The following FAM3B variants were observed in gnomAD, a reference collection of about 807,000 sequenced individuals.
FAM3B encodes the protein FAM3 metabolism regulating signaling molecule B, also known as protein FAM3B.
A neutral mutation model predicts 28.4 loss-of-function variants in FAM3B; 29 were observed. The ratio of observed to expected loss-of-function variants is 1.02; its 90% CI spans 0.76 to 1.39. The LOEUF (loss-of-function observed/expected upper bound fraction) is 1.39, where lower values mean the gene tolerates loss of function less well. Among genes scored for constraint, FAM3B ranks in the 40% most tolerant of loss-of-function variants. FAM3B has a pLI of 0.00. For missense variants in FAM3B, 266 were observed against 293.9 expected, an observed-to-expected ratio of 0.91 and a Z score of 0.69; for synonymous variants, 91 against 103.0, an observed-to-expected ratio of 0.88 and a Z score of 0.71.
intron 7 of FAM3B, among the ~76,000 whole-genome samples, chr21:41,355,667 G>A (rs1424565577): frequency 6.6e-6 from 1 of 152,134 alleles, no homozygotes; most frequent in Non-Finnish European, 1.5e-5. Flanking sequence ...ATTCGTGTCT[G>A]CCTAGGGTTG....
Position 41,318,218 on chromosome 21 carries a change from G to C in FAM3B, c.19+1320G>C, listed in dbSNP as rs142937533. Among the ~76,000 whole-genome samples, 466 of 152,252 alleles carry C rather than the reference G, an allele frequency of 3.1e-3. 2 individuals are homozygous for C. The highest frequency in any genetic ancestry group is 0.011 in the African/African-American group (453 of 41,560). On this transcript the variant is annotated intron_variant, in intron 1 of 7. Coordinates refer to ENST00000357985, the MANE Select transcript of FAM3B (RefSeq NM_058186.4). ...TTTGATTGTGGAGAAGCTGCCCAGGGAACTCAGAGATGCCTCACTTTTGAT... is the reference window on the plus strand; with the variant it reads ...TTTGATTGTGGAGAAGCTGCCCAGGCAACTCAGAGATGCCTCACTTTTGAT...
intron 3 of FAM3B, among the ~76,000 whole-genome samples, chr21:41,343,058 T>C (rs907306203): frequency 2.6e-5 from 4 of 152,240 alleles, no homozygotes; most frequent in African/African-American, 9.6e-5. Flanking sequence ...CTGAAGTTTA[T>C]ACAAGCTCTG....
At chr21:41,334,806 G>A (rs1227290171) in intron 2 of FAM3B, among the ~76,000 whole-genome samples, 1 of 152,224 alleles carries the variant, frequency 6.6e-6, no homozygotes, top group African/African-American at 2.4e-5. Flanking sequence ...TGCACCCTCA[G>A]CATGGAAAAG....
intron 1 of FAM3B, 136 bp from the exon 2 acceptor site, chr21:41,322,787 T>A (rs2088818426): frequency 1.5e-6 from 2 of 1,349,046 alleles, no homozygotes; most frequent in South Asian, 2.4e-5. Context: ...GGGAGCCTCC[T>A]CCCAGGAGCA....
intron 7 of FAM3B, among the ~76,000 whole-genome samples, chr21:41,351,124 A>G (rs2089116335): frequency 6.6e-6 from 1 of 152,266 alleles, no homozygotes; most frequent in African/African-American, 2.4e-5. Flanking sequence ...TTAACATCTC[A>G]TCAAACAGGT....
At chr21:41,335,526 T>C (rs989911555) in intron 2 of FAM3B, among the ~76,000 whole-genome samples, 4 of 152,176 alleles carry the variant, frequency 2.6e-5, no homozygotes, top group African/African-American at 9.7e-5. Context: ...TTGCTCCTGC[T>C]CTGGCCATGC....
At chr21:41,325,906 C>G (rs779405321) in intron 2 of FAM3B, among the ~76,000 whole-genome samples, 15 of 152,172 alleles carry the variant, frequency 9.9e-5, no homozygotes, top group Non-Finnish European at 1.6e-4. Flanking sequence ...AAACCAGGAG[C>G]TGCTCGTGAG....
At chr21:41,336,769 TACAC>T (rs150009358) in intron 2 of FAM3B, among the ~76,000 whole-genome samples, 3,340 of 152,316 alleles carry the variant, frequency 0.022, 50 homozygotes, top group Non-Finnish European at 0.034. Context: ...GGTGCATACA[TACAC>T]ACACACAATT....
chr21:41,344,813 C>A (rs112399725), intron 4 of FAM3B, among the ~76,000 whole-genome samples: 2 of 152,090 alleles, frequency 1.3e-5, no homozygotes, highest in South Asian at 4.1e-4. Context: ...CCAGAAGGGC[C>A]GCCAAGGGGG....
At chr21:41,348,377 A>G (rs1390021746) in intron 6 of FAM3B, among the ~76,000 whole-genome samples, 1 of 152,216 alleles carries the variant, frequency 6.6e-6, no homozygotes, top group East Asian at 1.9e-4. Flanking sequence ...GGGGCCTAAA[A>G]TGGCTCTGGA....
At position 41,338,503 on chromosome 21, in the gene FAM3B, T is replaced by C; in HGVS notation, c.287+2T>C. The stretch of plus-strand genomic sequence containing the variant: ...CAAAATCTGCTTTGAGGATAACCTG[T>C]AAGTACCAGCGTTTAGAAGGAAAAT... On this transcript the variant is annotated splice_donor_variant, in intron 3 of 7. Transcript: ENST00000357985. LOFTEE classifies it high-confidence loss of function. 1.2e-6 allele frequency: 2 copies of C among 1,614,076 alleles called. No homozygotes were observed. Among genetic ancestry groups the C allele is most frequent in the Non-Finnish European group, 1.7e-6 (2 of 1,179,968 alleles).
intron 2 of FAM3B, 107 bp downstream of exon 2, chr21:41,323,173 A>T: frequency 6.9e-7 from 1 of 1,452,652 alleles, no homozygotes; most frequent in South Asian, 1.3e-5. Context: ...ACGGCTTTAT[A>T]TCAGGAAGGA....
At chr21:41,304,329 G>A in intron 1 of FAM3B, 1 of 455,902 alleles carries the variant, frequency 2.2e-6, no homozygotes, top group Non-Finnish European at 4.4e-6. Flanking sequence ...ACGCGGGGCT[G>A]GCGTGGGGAG....
chr21:41,306,102 C>T (rs10775668), intron 1 of FAM3B, among the ~76,000 whole-genome samples: 31,861 of 152,194 alleles, frequency 0.21, 3,774 homozygotes, highest in East Asian at 0.52. Context: ...ACCCATTTCA[C>T]TCAATCATAA....
chr21:41,354,396 A>T (rs1432841990), intron 7 of FAM3B, among the ~76,000 whole-genome samples: 1 of 152,248 alleles, frequency 6.6e-6, no homozygotes, highest in African/African-American at 2.4e-5. Flanking sequence ...TCATTACAAA[A>T]CTGTTCACAA....
At chr21:41,313,935 A>G (rs1157811395), upstream of FAM3B, among the ~76,000 whole-genome samples, 1 of 152,224 alleles carries the variant, frequency 6.6e-6, no homozygotes, top group Non-Finnish European at 1.5e-5. Context: ...TACTGTGGAC[A>G]GAGGGTATGC....
chr21:41,317,030 G>A, intron 1 of FAM3B, 132 bp downstream of exon 1: 1 of 817,982 alleles, frequency 1.2e-6, no homozygotes, highest in Non-Finnish European at 1.7e-6. Context: ...TGGCGCCGAG[G>A]CTGGTCTTAG....
intron 7 of FAM3B, among the ~76,000 whole-genome samples, chr21:41,349,321 C>T (rs1182827321): frequency 6.6e-6 from 1 of 152,176 alleles, no homozygotes; most frequent in Non-Finnish European, 1.5e-5. Flanking sequence ...AGCTGAGCAT[C>T]CGATGACAAT....
intron 5 of FAM3B, among the ~76,000 whole-genome samples, chr21:41,346,720 C>CA (rs994136568): frequency 2.0e-5 from 3 of 151,608 alleles, no homozygotes; most frequent in African/African-American, 7.3e-5. Context: ...GTTTGTTGGT[C>CA]AAAAAAGCTC....
Sources: allele counts gnomAD v4.1 joint callset (sites outside exome capture counted in the v4.1 genomes callset), GRCh38; gene constraint gnomAD v4.1.1; transcripts MANE v1.5; gene names NCBI Gene and HGNC (gene_info 2026-07-23, HGNC 2026-07-21).